Variants in GRIK1 observed in about 807,000 individuals in gnomAD.
GRIK1 encodes the protein glutamate ionotropic receptor kainate type subunit 1, also known as glutamate receptor ionotropic, kainate 1.
Under a neutral mutation model 105.7 loss-of-function variants are expected in GRIK1, and 69 were observed. The observed-to-expected ratio is 0.65, with a 90% CI of 0.54 to 0.80. GRIK1 has a LOEUF of 0.80. Ranked by LOEUF, GRIK1 falls within the 30% of genes least tolerant of loss-of-function variation. GRIK1 has a pLI of 0.00. For missense variants in GRIK1, 1,109 were observed against 1,167.3 expected, an observed-to-expected ratio of 0.95 and a Z score of 0.73; for synonymous variants, 438 against 431.3, an observed-to-expected ratio of 1.02 and a Z score of -0.19.
chr21:29,619,796 G>A (rs772981758), intron 7 of GRIK1, among the ~76,000 whole-genome samples: 5 of 152,144 alleles, frequency 3.3e-5, no homozygotes, highest in Non-Finnish European at 4.4e-5. Context: ...AAGCAGCATG[G>A]ATTTTGGTTT....
At chr21:29,844,380 C>A (rs1248552263) in intron 1 of GRIK1, among the ~76,000 whole-genome samples, 9 of 152,130 alleles carry the variant, frequency 5.9e-5, no homozygotes, top group African/African-American at 2.2e-4. Flanking sequence ...CTACATACGC[C>A]AGTAAAGAAA....
chr21:29,654,906 T>TCCC, intron 4 of GRIK1, 43 bp from the exon 5 acceptor site: 1 of 1,135,846 alleles, frequency 8.8e-7, no homozygotes, highest in Non-Finnish European at 1.3e-6. Flanking sequence ...AACAGAATTA[T>TCCC]AATAAGAATG....
At chr21:29,853,172 T>C (rs1456972971) in intron 1 of GRIK1, among the ~76,000 whole-genome samples, 1 of 152,222 alleles carries the variant, frequency 6.6e-6, no homozygotes, top group East Asian at 1.9e-4. Flanking sequence ...TCCAAGAAAG[T>C]AACTATGACA....
intron 1 of GRIK1, among the ~76,000 whole-genome samples, chr21:29,705,966 C>T (rs1238006520): frequency 4.0e-5 from 6 of 151,428 alleles, no homozygotes; most frequent in East Asian, 3.9e-4. Flanking sequence ...CTCTGGCTCC[C>T]GGGTTCAAGC....
At chr21:29,591,999 C>T (rs2061340406) in intron 9 of GRIK1, among the ~76,000 whole-genome samples, 1 of 152,152 alleles carries the variant, frequency 6.6e-6, no homozygotes, top group East Asian at 1.9e-4. Flanking sequence ...TGCAGTGAGC[C>T]GTGATTGCAC....
chr21:29,801,256 T>C (rs893491589), intron 1 of GRIK1, among the ~76,000 whole-genome samples: 3 of 151,526 alleles, frequency 2.0e-5, no homozygotes, highest in Admixed American at 1.3e-4. Context: ...CAAAAGTAAT[T>C]GCGGTTTTTA....
intron 7 of GRIK1, among the ~76,000 whole-genome samples, chr21:29,618,118 C>G (rs1321533001): frequency 6.6e-6 from 1 of 152,146 alleles, no homozygotes; most frequent in African/African-American, 2.4e-5. Flanking sequence ...CTCCAAGAAG[C>G]CTTACCTAAA....
intron 7 of GRIK1, among the ~76,000 whole-genome samples, chr21:29,616,122 GGCC>G (rs2061845264): frequency 6.6e-6 from 1 of 152,018 alleles, no homozygotes; most frequent in African/African-American, 2.4e-5. Flanking sequence ...TCAGAAAAAT[GGCC>G]AAAGAAGTAT....
At chr21:29,709,278 C>CTTTTTT (rs35378548) in intron 1 of GRIK1, among the ~76,000 whole-genome samples, 15 of 127,884 alleles carry the variant, frequency 1.2e-4, no homozygotes, top group East Asian at 2.2e-4. Flanking sequence ...TACTCTTCTT[C>CTTTTTT]TTTTTTTTTT....
intron 7 of GRIK1, among the ~76,000 whole-genome samples, chr21:29,627,377 A>G (rs2062155434): frequency 6.6e-6 from 1 of 152,196 alleles, no homozygotes; most frequent in Non-Finnish European, 1.5e-5. Context: ...TTAAGTCATG[A>G]GAGAAAAGTA....
At chr21:29,897,438 G>T (rs183739685) in intron 1 of GRIK1, among the ~76,000 whole-genome samples, 67 of 152,290 alleles carry the variant, frequency 4.4e-4, no homozygotes, top group Non-Finnish European at 7.1e-4. Flanking sequence ...GAAGAAATTG[G>T]TAGCGATCTT....
chr21:29,560,396 CCTTCCTTTCTTTCTTT>C (rs1200951297), intron 15 of GRIK1, among the ~76,000 whole-genome samples: 3 of 60,292 alleles, frequency 5.0e-5, no homozygotes, highest in African/African-American at 3.0e-4. Flanking sequence ...TTCCTTCCTT[CCTTCCTTTCTTTCTTT>C]CTTTCTTTCT....
intron 1 of GRIK1, among the ~76,000 whole-genome samples, chr21:29,879,846 A>G (rs948946329): frequency 4.4e-5 from 6 of 135,156 alleles, no homozygotes; most frequent in Admixed American, 3.6e-4. Context: ...ACACAGCCCC[A>G]GTTCTTTGAT....
At chr21:29,883,453 A>G (rs548275662) in intron 1 of GRIK1, among the ~76,000 whole-genome samples, 2 of 152,198 alleles carry the variant, frequency 1.3e-5, no homozygotes, top group Non-Finnish European at 2.9e-5. Flanking sequence ...TCAGGAAAGA[A>G]AGTCATAACT....
chr21:29,739,858 T>C (rs2064882852), intron 1 of GRIK1, among the ~76,000 whole-genome samples: 1 of 152,250 alleles, frequency 6.6e-6, no homozygotes, highest in Admixed American at 6.5e-5. Flanking sequence ...TCACTCTTTT[T>C]ATATTATCAC....
chr21:29,782,417 T>C (rs1176100747), intron 1 of GRIK1, among the ~76,000 whole-genome samples: 1 of 152,202 alleles, frequency 6.6e-6, no homozygotes, highest in Non-Finnish European at 1.5e-5. Context: ...AGGAATGGAA[T>C]TGCTGAGTCA....
At chr21:29,539,999 C>T (rs2832388) in intron 16 of GRIK1, among the ~76,000 whole-genome samples, 81,799 of 151,958 alleles carry the variant, frequency 0.54, 24,617 homozygotes, top group Middle Eastern at 0.7. Flanking sequence ...TAAGAAATTC[C>T]AATCTTTCTG....
At chr21:29,585,580 C>G (rs1054178495) in intron 12 of GRIK1, among the ~76,000 whole-genome samples, 2 of 152,134 alleles carry the variant, frequency 1.3e-5, no homozygotes, top group Non-Finnish European at 2.9e-5. Flanking sequence ...TGGAAACTCA[C>G]TTTTGCCCTG....
chr21:29,671,003 A>G (rs1328649540), intron 4 of GRIK1, among the ~76,000 whole-genome samples: 1 of 152,236 alleles, frequency 6.6e-6, no homozygotes, highest in Admixed American at 6.5e-5. Context: ...ATGGTGGAGA[A>G]AGCACTGGAT....
Sources: allele counts gnomAD v4.1 joint callset (sites outside exome capture counted in the v4.1 genomes callset), GRCh38; gene constraint gnomAD v4.1.1; transcripts MANE v1.5; gene names NCBI Gene and HGNC (gene_info 2026-07-23, HGNC 2026-07-21).